SHROOM3: variants seen among roughly 807,000 people sequenced by gnomAD.
SHROOM3 encodes shroom family member 3.
Under a neutral mutation model 138.6 loss-of-function variants are expected in SHROOM3, and 47 were observed. The observed-to-expected ratio is 0.34, with a 90% CI of 0.27 to 0.43. The LOEUF (loss-of-function observed/expected upper bound fraction) is 0.43, where lower values mean the gene tolerates loss of function less well. Among genes scored for constraint, SHROOM3 ranks in the 20% least tolerant of loss-of-function variants. SHROOM3 has a pLI of 1.00. For missense variants in SHROOM3, 2,491 were observed against 2,596.5 expected (o/e 0.96, Z 0.88); for synonymous variants, 1,062 against 1,063.3 (o/e 1.00, Z 0.02).
intron 2 of SHROOM3, among the ~76,000 whole-genome samples, chr4:76,695,709 C>G (rs1458117766): frequency 6.6e-6 from 1 of 152,140 alleles, no homozygotes; most frequent in Non-Finnish European, 1.5e-5. Flanking sequence ...CTATATGAGC[C>G]TTTTCACTTA....
At position 76,658,167 on chromosome 4, in the gene SHROOM3, A is replaced by G. The variant is rs554825035; in HGVS notation, c.324-51989A>G. Among the ~76,000 whole-genome samples, 5 of 152,388 alleles carry G rather than the reference A, an allele frequency of 3.3e-5. No individual in the cohort carries two copies. The East Asian group carries it at 7.7e-4, about 23-fold the overall frequency. On this transcript the variant is annotated intron_variant, in intron 2 of 10. Coordinates refer to ENST00000296043, the MANE Select transcript of SHROOM3 (RefSeq NM_020859.4). ...AAAGCACAGATCAGATCTGCTTAGC[A>G]TCCACCGACTGTGAGGATGTGAAGC...
At chr4:76,586,485 A>G in intron 2 of SHROOM3, 1 of 984,108 alleles carries the variant, frequency 1.0e-6, no homozygotes, top group East Asian at 1.1e-4. Context: ...TCCATTTTAA[A>G]CCAACGATTT....
At chr4:76,537,426 A>G (rs4256249) in intron 1 of SHROOM3, among the ~76,000 whole-genome samples, 102,233 of 151,902 alleles carry the variant, frequency 0.67, 34,791 homozygotes, top group East Asian at 0.94. Context: ...ATGGTTCTAA[A>G]CTGAGGAGTG....
intron 1 of SHROOM3, among the ~76,000 whole-genome samples, chr4:76,522,468 G>A (rs1732587350): frequency 6.6e-6 from 1 of 151,944 alleles, no homozygotes; most frequent in South Asian, 2.1e-4. Context: ...ACTGTTCTCA[G>A]CTCTGCTGGT....
At chr4:76,495,879 T>C (rs775024060) in intron 1 of SHROOM3, among the ~76,000 whole-genome samples, 2 of 152,114 alleles carry the variant, frequency 1.3e-5, no homozygotes, top group Admixed American at 6.6e-5. Context: ...AACACAGACA[T>C]AGATGACACA....
chr4:76,497,289 G>T (rs1731988043), intron 1 of SHROOM3, among the ~76,000 whole-genome samples: 1 of 152,180 alleles, frequency 6.6e-6, no homozygotes. Context: ...AAAGTAGCTT[G>T]TTCCTAGAGA....
intron 9 of SHROOM3, among the ~76,000 whole-genome samples, chr4:76,760,786 A>G (rs1721964575): frequency 6.6e-6 from 1 of 152,202 alleles, no homozygotes; most frequent in South Asian, 2.1e-4. Context: ...AGCACTGCTG[A>G]GCACTTCATT....
intron 1 of SHROOM3, among the ~76,000 whole-genome samples, chr4:76,533,095 T>C (rs982152554): frequency 6.6e-6 from 1 of 152,192 alleles, no homozygotes; most frequent in Non-Finnish European, 1.5e-5. Context: ...TTAAAACTGA[T>C]GCATTGTTTA....
rs745613620 is a variant in SHROOM3, at chr4:76,756,556, A to G, written c.4817A>G (p.Lys1606Arg). ...TLASRLQTSI[K>R]GSEAESTPPS... ...GCTTCCAGACTCCAAACTTCTATCA[A>G]GGGTTCAGAGGCTGAGTCCACACCA... The change falls in exon 8 of 11, where the codon AAG (lysine) becomes AGG (arginine). Residue 1606 changes from lysine to arginine, a missense_variant. Lys to Arg is a conservative substitution (Grantham distance 26). Around this residue, in one of 4 missense-constraint regions of SHROOM3, gnomAD observed 470 missense variants for 595.0 expected, o/e 0.79. Coordinates refer to ENST00000296043, the MANE Select transcript of SHROOM3 (RefSeq NM_020859.4). 8 of 1,613,384 alleles carry G rather than the reference A, an allele frequency of 5.0e-6. No individual in the cohort carries two copies. The South Asian group carries it at 7.7e-5, about 16-fold the overall frequency.
intron 2 of SHROOM3, among the ~76,000 whole-genome samples, chr4:76,560,684 G>A (rs1733579937): frequency 6.6e-6 from 1 of 152,100 alleles, no homozygotes; most frequent in Admixed American, 6.6e-5. Context: ...TTTACTTGTA[G>A]TTGGCAAAGA....
At chr4:76,506,470 C>T (rs1732214573) in intron 1 of SHROOM3, among the ~76,000 whole-genome samples, 1 of 152,126 alleles carries the variant, frequency 6.6e-6, no homozygotes, top group Non-Finnish European at 1.5e-5. Flanking sequence ...ACTTGAGCAT[C>T]CATGGATTTT....
rs1435815547 is a variant in SHROOM3 at position 76,756,696 on chromosome 4, A to G, written c.4957A>G (p.Lys1653Glu). 6.2e-7 allele frequency: 1 copy of G among 1,614,042 alleles called. No individual in the cohort carries two copies. Among genetic ancestry groups the G allele is most frequent in the Non-Finnish European group, 8.5e-7 (1 of 1,180,048 alleles). ...DPVSGTQGLEKKVSPDPQKSS... is the reference protein window; with the variant it reads ...DPVSGTQGLEEKVSPDPQKSS... ...AGTCAGTGGAACTCAGGGTTTAGAAAAGAAAGTCAGTCCTGATCCTCAGAA... is the reference window on the plus strand; with the variant it reads ...AGTCAGTGGAACTCAGGGTTTAGAAGAGAAAGTCAGTCCTGATCCTCAGAA... Residue 1653 changes from lysine to glutamate, a missense_variant, in exon 8 of 11, where the codon AAG (lysine) becomes GAG (glutamate). By Grantham distance (56) the Lys-to-Glu change is moderately conservative. Coordinates refer to ENST00000296043, the MANE Select transcript of SHROOM3 (RefSeq NM_020859.4).
intron 2 of SHROOM3, among the ~76,000 whole-genome samples, chr4:76,671,843 T>G (rs1718894349): frequency 6.6e-6 from 1 of 152,202 alleles, no homozygotes; most frequent in South Asian, 2.1e-4. Context: ...TTAAAAATTT[T>G]TTTTGGATTT....
chr4:76,640,167 C>T (rs1051016921), intron 2 of SHROOM3, among the ~76,000 whole-genome samples: 1 of 151,970 alleles, frequency 6.6e-6, no homozygotes, highest in African/African-American at 2.4e-5. Flanking sequence ...TTTTGTATAC[C>T]CTGTGAGGGG....
chr4:76,688,898 G>A (rs888397131), intron 2 of SHROOM3: 55 of 984,380 alleles, frequency 5.6e-5, no homozygotes, highest in Non-Finnish European at 5.7e-5. Flanking sequence ...CATCTCTGCT[G>A]TGACTTACAC....
At chr4:76,702,330 A>G (rs1396393952) in intron 2 of SHROOM3, among the ~76,000 whole-genome samples, 1 of 152,226 alleles carries the variant, frequency 6.6e-6, no homozygotes, top group Non-Finnish European at 1.5e-5. Context: ...GATTAACTGA[A>G]TTACTGTTTT....
At chr4:76,571,653 GC>G (rs1005592619) in intron 2 of SHROOM3, among the ~76,000 whole-genome samples, 3 of 152,064 alleles carry the variant, frequency 2.0e-5, no homozygotes, top group African/African-American at 7.2e-5. Flanking sequence ...ACAAAACAAA[GC>G]AAAACCCCAC....
intron 1 of SHROOM3, among the ~76,000 whole-genome samples, chr4:76,553,683 G>T (rs1733416121): frequency 6.6e-6 from 1 of 152,048 alleles, no homozygotes; most frequent in Non-Finnish European, 1.5e-5. Flanking sequence ...TAGAGACAGG[G>T]TTTCACCACA....
intron 1 of SHROOM3, among the ~76,000 whole-genome samples, chr4:76,520,982 G>T (rs769550728): frequency 1.3e-5 from 2 of 152,200 alleles, no homozygotes; most frequent in Non-Finnish European, 2.9e-5. Flanking sequence ...GTCTTCTGTT[G>T]TGGTAACGAG....
Sources: gnomAD v4.1 joint callset for allele counts (sites outside exome capture counted in the v4.1 genomes callset) on GRCh38, gnomAD v4.1.1 for gene constraint, gnomAD v4.1.1 regional missense constraint, MANE v1.5 for transcripts, NCBI Gene and HGNC (gene_info 2026-07-23, HGNC 2026-07-21) for gene names.